The following RMST variants were observed in gnomAD, a reference collection of about 807,000 sequenced individuals.
RMST encodes rhabdomyosarcoma 2 associated transcript, also known as long intergenic non-protein coding RNA 54.
At chr12:97,512,246 C>A (rs556761160) in intron 10 of RMST, among the ~76,000 whole-genome samples, 4 of 152,246 alleles carry the variant, frequency 2.6e-5, no homozygotes, top group African/African-American at 7.2e-5. Flanking sequence ...CCGCTGGCTT[C>A]AGGAGTGAAG....
intron 10 of RMST, among the ~76,000 whole-genome samples, chr12:97,503,170 A>T (rs1344260877): frequency 6.6e-6 from 1 of 152,158 alleles, no homozygotes; most frequent in Non-Finnish European, 1.5e-5. Context: ...TCTGTTGATT[A>T]TTTTAATTTC....
chr12:97,535,130 T>C (rs371525272), intron 11 of RMST, among the ~76,000 whole-genome samples: 86 of 151,770 alleles, frequency 5.7e-4, no homozygotes, highest in African/African-American at 1.8e-3. Context: ...TTAATAATGG[T>C]CAGTGGAATT....
intron 10 of RMST, among the ~76,000 whole-genome samples, chr12:97,528,573 TTAA>T (rs1881340532): frequency 4.6e-5 from 7 of 152,140 alleles, no homozygotes; most frequent in Admixed American, 2.6e-4. Flanking sequence ...GTGAATATTA[TTAA>T]TGCTTATTTT....
At chr12:97,523,350 G>A (rs890395278) in intron 10 of RMST, among the ~76,000 whole-genome samples, 1 of 152,098 alleles carries the variant, frequency 6.6e-6, no homozygotes, top group African/African-American at 2.4e-5. Context: ...TAATATGTGG[G>A]GAATAGGGAG....
intron 3 of RMST, chr12:97,462,915 A>G: frequency 6.6e-6 from 1 of 152,214 alleles, no homozygotes; most frequent in Admixed American, 6.6e-5. Context: ...GTGGAGGAGA[A>G]CAAAATATCT....
intron 10 of RMST, among the ~76,000 whole-genome samples, chr12:97,505,566 T>C (rs1033307492): frequency 1.3e-5 from 2 of 152,266 alleles, no homozygotes; most frequent in Non-Finnish European, 2.9e-5. Flanking sequence ...GGCAAAGCTA[T>C]GCATTACATG....
chr12:97,563,971 G>A (rs1565941674), intron 13 of RMST: 2 of 457,218 alleles, frequency 4.4e-6, no homozygotes, highest in Non-Finnish European at 4.6e-6. Context: ...TGAATGTGAT[G>A]GAGACAAGAT....
chr12:97,510,585 A>G (rs796571398), intron 10 of RMST, among the ~76,000 whole-genome samples: 4 of 152,322 alleles, frequency 2.6e-5, no homozygotes, highest in African/African-American at 7.2e-5. Flanking sequence ...TCACAGTAGA[A>G]TCTTAGTTAT....
At chr12:97,472,736 T>C (rs1387708991) in intron 5 of RMST, among the ~76,000 whole-genome samples, 3 of 152,152 alleles carry the variant, frequency 2.0e-5, no homozygotes, top group African/African-American at 7.2e-5. Flanking sequence ...AATTTCTACA[T>C]GGTTTGGAAA....
chr12:97,482,214 A>G (rs529295314), intron 5 of RMST, among the ~76,000 whole-genome samples: 2 of 152,228 alleles, frequency 1.3e-5, no homozygotes, highest in Non-Finnish European at 2.9e-5. Flanking sequence ...GGGATTGGCA[A>G]ACTTTTACTG....
chr12:97,515,796 ATATT>A (rs1259122291), intron 10 of RMST, among the ~76,000 whole-genome samples: 1 of 152,118 alleles, frequency 6.6e-6, no homozygotes, highest in African/African-American at 2.4e-5. Flanking sequence ...AAGCTGAATA[ATATT>A]TAAATAGCTT....
At chr12:97,485,631 T>C (rs562562468) in intron 5 of RMST, among the ~76,000 whole-genome samples, 1 of 152,332 alleles carries the variant, frequency 6.6e-6, no homozygotes, top group African/African-American at 2.4e-5. Context: ...TACATTATTT[T>C]ATTTATTATA....
chr12:97,482,207 A>T (rs1875384688), intron 5 of RMST, among the ~76,000 whole-genome samples: 2 of 152,200 alleles, frequency 1.3e-5, no homozygotes, highest in Non-Finnish European at 2.9e-5. Context: ...CGTCTTGGGG[A>T]TTGGCAAACT....
chr12:97,496,793 C>A (rs931808196), intron 10 of RMST, among the ~76,000 whole-genome samples: 5 of 152,048 alleles, frequency 3.3e-5, no homozygotes, highest in African/African-American at 1.2e-4. Context: ...GAGGGGACTT[C>A]CCCTGGGAAC....
At chr12:97,471,209 T>C (rs1873870446) in intron 5 of RMST, among the ~76,000 whole-genome samples, 1 of 152,116 alleles carries the variant, frequency 6.6e-6, no homozygotes, top group Non-Finnish European at 1.5e-5. Flanking sequence ...TAGATAGATA[T>C]AAATATAGAT....
chr12:97,513,150 C>T lies in RMST; in HGVS notation n.1340+17094C>T, dbSNP rs529353876. 2.8e-3 allele frequency among the ~76,000 whole-genome samples: 427 copies of T among 152,282 alleles called. 4 individuals carry two copies. The highest frequency in any genetic ancestry group is 9.5e-3 in the African/African-American group (396 of 41,578). ...ACACCTCCCTGCAAGCTGAGGGGGC[C>T]GGCTCTGGCCTTGGCCAGCCCAGAA... is the stretch of plus-strand genomic sequence containing the variant. On this transcript the variant is annotated intron_variant and non_coding_transcript_variant, in intron 10 of 13. Coordinates refer to ENST00000640149, the Ensembl canonical transcript of RMST.
At chr12:97,491,326 A>G (rs886696873) in intron 5 of RMST, among the ~76,000 whole-genome samples, 1 of 152,172 alleles carries the variant, frequency 6.6e-6, no homozygotes, top group Non-Finnish European at 1.5e-5. Context: ...CATGGCTGTT[A>G]GTAGAACATT....
intron 10 of RMST, among the ~76,000 whole-genome samples, chr12:97,522,406 G>C (rs1337763524): frequency 2.0e-5 from 3 of 152,200 alleles, no homozygotes; most frequent in African/African-American, 7.2e-5. Flanking sequence ...CAGTAGGAGA[G>C]AAAACACATA....
At chr12:97,490,930 T>C (rs1318888325) in intron 5 of RMST, among the ~76,000 whole-genome samples, 1 of 152,110 alleles carries the variant, frequency 6.6e-6, no homozygotes, top group Non-Finnish European at 1.5e-5. Context: ...TAAGTTGGGA[T>C]TGGCAAAAAA....
Sources: gnomAD v4.1 joint callset for allele counts (sites outside exome capture counted in the v4.1 genomes callset) on GRCh38, gnomAD v4.1.1 for gene constraint, MANE v1.5 for transcripts, NCBI Gene and HGNC (gene_info 2026-07-23, HGNC 2026-07-21) for gene names.